The following PES1 variants were observed in gnomAD, a reference collection of about 807,000 sequenced individuals.
The protein encoded by PES1 is pescadillo homolog.
Under a neutral mutation model 77.1 loss-of-function variants are expected in PES1, and 31 were observed. The ratio of observed to expected loss-of-function variants is 0.40; its 90% confidence interval spans 0.30 to 0.54. PES1 has a LOEUF of 0.54. PES1 is among the 20% of genes least tolerant of loss of function. The pLI, the probability that PES1 is intolerant of heterozygous loss-of-function variation, is 0.45. For missense variants in PES1, 658 were observed against 771.7 expected, an observed-to-expected ratio of 0.85 and a Z score of 1.75; for synonymous variants, 282 against 303.0, an observed-to-expected ratio of 0.93 and a Z score of 0.72.
Position 30,580,182 on chromosome 22 carries a change from C to A in PES1, c.1044-4G>T. ...GGACACTTCCCCACCAAAACTCCTA[C>A]AGGGACAGGGAGAGCCCACACGGGT... On this transcript the variant is annotated splice_polypyrimidine_tract_variant and splice_region_variant and intron_variant, in intron 10 of 14. Coordinates refer to ENST00000354694, the MANE Select transcript of PES1 (RefSeq NM_014303.4). The A allele has an allele frequency of 6.2e-7, 1 of 1,609,716 alleles. No homozygotes were observed. The highest frequency in any genetic ancestry group is 8.5e-7 in the Non-Finnish European group (1 of 1,177,648).
At chr22:30,600,956 C>G (rs879451643) in intron 2 of PES1, among the ~76,000 whole-genome samples, 11 of 152,228 alleles carry the variant, frequency 7.2e-5, no homozygotes, top group Admixed American at 2.0e-4. Context: ...TTAAGGTAAT[C>G]TCAGGGTTTA....
In PES1 at chr22:30,602,236, C is replaced by CA. The variant is rs947460975; in HGVS notation, c.-661+3224dup. Among the ~76,000 whole-genome samples, 3 of 152,084 alleles carry CA rather than the reference C, an allele frequency of 2.0e-5. No homozygotes were observed. In the East Asian group the frequency reaches 5.8e-4, roughly 29 times the overall value. ...TCTCATGATAGAGAGGGAGTTCTCA[C>CA]AAGAGCTATGGTTTTAAGTGTGGCA... On this transcript the variant is annotated intron_variant, in intron 2 of 16. Transcript: ENST00000402281.
At chr22:30,590,448 C>T (rs573010059) in intron 1 of PES1, among the ~76,000 whole-genome samples, 1 of 152,228 alleles carries the variant, frequency 6.6e-6, no homozygotes, top group African/African-American at 2.4e-5. Context: ...TGAAACATAC[C>T]CTTCATTCAT....
chr22:30,580,916 A>G (rs1273949203), intron 9 of PES1, 96 bp downstream of exon 9: 37 of 1,226,680 alleles, frequency 3.0e-5, no homozygotes, highest in Non-Finnish European at 4.3e-5. Context: ...TGACCATCAA[A>G]TAACACCTAA....
At chr22:30,577,873 G>A (rs571428626) in intron 14 of PES1, among the ~76,000 whole-genome samples, 2 of 152,350 alleles carry the variant, frequency 1.3e-5, no homozygotes, top group African/African-American at 2.4e-5. Flanking sequence ...TAAGAGGCGG[G>A]CAGGAACATG....
chr22:30,592,773 G>A (rs1209756412), upstream of PES1, among the ~76,000 whole-genome samples: 1 of 152,078 alleles, frequency 6.6e-6, no homozygotes, highest in Non-Finnish European at 1.5e-5. Context: ...CTCCAGCCTG[G>A]GCGACAGAGT....
In PES1 at chr22:30,579,244, C is replaced by A; in HGVS notation, c.1414G>T (p.Asp472Tyr). 6.2e-7 allele frequency: 1 copy of A among 1,604,364 alleles called. No homozygotes were observed. Residue 472 changes from aspartate (D) to tyrosine (Y), a missense_variant, in exon 13 of 15, where the codon GAT becomes TAT. Transcript: ENST00000354694. The stretch of plus-strand genomic sequence containing the variant: ...TCCTCCTCATTTTCTCCCTCTTCAT[C>A]ACCATCACCTTCGTTGTTGTCGTCC... Reference protein sequence around the residue: ...EEDDNNEGDGDEEGENEEEEE... With the variant: ...EEDDNNEGDGYEEGENEEEEE...
rs373027361 is a variant in PES1 at position 30,579,266 on chromosome 22, G to A, written c.1392C>T (p.Asp464=). The A allele has an allele frequency of 1.4e-5, 22 of 1,601,298 alleles. No individual in the cohort carries two copies. Among genetic ancestry groups the A allele is most frequent in the African/African-American group, 4.0e-5 (3 of 74,766 alleles). The change falls in exon 13 of 15, where the codon GAC becomes GAT. Residue 464 remains aspartate (D), a synonymous_variant. Transcript: ENST00000354694. ...LNESEEEEEE[D]DNNEGDGDEE... is the part of the protein sequence containing the mutation. ...CATCACCATCACCTTCGTTGTTGTC[G>A]TCCTCTTCCTCCTCCTCTTCTGACT...
intron 2 of PES1, chr22:30,603,844 G>A (rs1373550629): frequency 6.6e-6 from 1 of 152,088 alleles, no homozygotes; most frequent in Non-Finnish European, 1.5e-5. Flanking sequence ...TCCTCGCCAA[G>A]TCAGCCTAAA....
chr22:30,597,575 A>T (rs113220865), intron 2 of PES1, among the ~76,000 whole-genome samples: 5 of 139,008 alleles, frequency 3.6e-5, no homozygotes, highest in Non-Finnish European at 3.2e-5. Context: ...AGCTCAAGGT[A>T]TGTAAATGCA....
chr22:30,587,898 G>A lies in PES1; in HGVS notation c.258+123C>T, dbSNP rs999246855. On this transcript the variant is annotated intron_variant, in intron 3 of 14. Transcript: ENST00000354694. The stretch of plus-strand genomic sequence containing the variant: ...CTTCCCTCCAAGTACTTCTGTTGAG[G>A]CTCACCCTGCCCTCTGTATAGGCTT... 2.1e-5 allele frequency: 20 copies of A among 950,680 alleles called. No individual in the cohort carries two copies. The African/African-American group carries it at 3.3e-4, about 16-fold the overall frequency. 58.9% of individuals were successfully genotyped at this position (950,680 alleles called of 1,614,324 possible). A position where few individuals can be genotyped will look rare whatever the true frequency, so the allele number is the denominator to read the frequency against.
At chr22:30,577,157 T>G in intron 14 of PES1, 28 bp from the exon 15 acceptor site, 4 of 1,598,738 alleles carry the variant, frequency 2.5e-6, no homozygotes, top group Non-Finnish European at 3.4e-6. Context: ...AAGGTCAGGC[T>G]GAGGTATGTG....
chr22:30,599,017 C>T (rs923789488), intron 2 of PES1, among the ~76,000 whole-genome samples: 4 of 147,224 alleles, frequency 2.7e-5, no homozygotes, highest in Admixed American at 1.4e-4. Flanking sequence ...CCTATCTCAG[C>T]CTCCTGAGTA....
At chr22:30,606,959 C>G (rs1165772490) in exon 1 of PES1, 1 of 942,480 alleles carries the variant, frequency 1.1e-6, no homozygotes, top group Non-Finnish European at 1.3e-6. Context: ...CAGGCACGGT[C>G]GGACAGACTT....
intron 6 of PES1, among the ~76,000 whole-genome samples, chr22:30,583,702 C>T (rs2087021048): frequency 6.6e-6 from 1 of 152,248 alleles, no homozygotes; most frequent in Non-Finnish European, 1.5e-5. Context: ...GATTGGAGGA[C>T]TGCTTGAGCT....
chr22:30,603,015 A>G (rs1414634521), intron 2 of PES1, among the ~76,000 whole-genome samples: 2 of 151,798 alleles, frequency 1.3e-5, no homozygotes, highest in Admixed American at 6.6e-5. Flanking sequence ...GGTTCAAGCA[A>G]TTCTCCAGCC....
In PES1 at chr22:30,587,984, G is replaced by A. The variant is rs191049731; in HGVS notation, c.258+37C>T. ...GTTAGTTAGTGGGTCACAGAGCTGC[G>A]ATGAGAACCTGACAGACCCTAGAGC... On this transcript the variant is annotated intron_variant, in intron 3 of 14. Coordinates refer to ENST00000354694, the MANE Select transcript of PES1 (RefSeq NM_014303.4). The A allele has an allele frequency of 6.6e-3, 10,567 of 1,605,836 alleles. 103 individuals are homozygous for A. Among genetic ancestry groups the A allele is most frequent in the South Asian group, 0.03 (2,718 of 90,802 alleles).
chr22:30,592,235 G>A (rs1283765441), upstream of PES1: 15 of 1,017,764 alleles, frequency 1.5e-5, no homozygotes, highest in East Asian at 1.3e-3. Context: ...GAGGGGCGCC[G>A]CACTCCATGG....
chr22:30,597,881 T>G lies in PES1; in HGVS notation c.-660-5483A>C, dbSNP rs1185208309. On this transcript the variant is annotated intron_variant, in intron 2 of 16. Coordinates refer to the PES1 transcript ENST00000402281. ...TTTTTTTTCCACGCAGTTGAAGTTT[T>G]GTTTTTTTTTTTTTTGTTTTGAGTC... Among the ~76,000 whole-genome samples, 376 of 134,236 alleles carry G rather than the reference T, an allele frequency of 2.8e-3. 5 individuals carry two copies. Among genetic ancestry groups the G allele is most frequent in the South Asian group, 8.3e-3 (36 of 4,346 alleles). 88.1% of individuals were successfully genotyped at this position (134,236 alleles called of 152,430 possible).
Sources: allele counts gnomAD v4.1 joint callset (sites outside exome capture counted in the v4.1 genomes callset), GRCh38; gene constraint gnomAD v4.1.1; transcripts MANE v1.5; gene names NCBI Gene and HGNC (gene_info 2026-07-23, HGNC 2026-07-21).